The following RPS6KA2 variants were observed in gnomAD, a reference collection of about 807,000 sequenced individuals.
RPS6KA2 encodes ribosomal protein S6 kinase A2.
A neutral mutation model predicts 91.8 loss-of-function variants in RPS6KA2; 42 were observed. That is an observed-to-expected ratio of 0.46 (90% CI 0.36 to 0.59). The LOEUF is 0.59. Among genes scored for constraint, RPS6KA2 ranks in the 20% least tolerant of loss-of-function variants. The probability of loss-of-function intolerance (pLI) is 0.00; values close to 1 mark genes in which losing one functional copy is unlikely to be tolerated. For synonymous variants in RPS6KA2, 414 were observed against 393.6 expected, an observed-to-expected ratio of 1.05 and a Z score of -0.61; for missense variants, 798 against 978.5, an observed-to-expected ratio of 0.82 and a Z score of 2.46.
intron 2 of RPS6KA2, among the ~76,000 whole-genome samples, chr6:166,848,668 C>T (rs1451959575): frequency 2.0e-5 from 3 of 151,976 alleles, no homozygotes; most frequent in East Asian, 3.9e-4. Flanking sequence ...AACCAAACAT[C>T]GTATGTTCTC....
rs1376438307 is a variant in RPS6KA2 at position 166,648,208 on chromosome 6, A to G, written c.124-109424T>C. 7.4e-6 allele frequency among the ~76,000 whole-genome samples: 1 copy of G among 135,416 alleles called. No individual in the cohort carries two copies. Among genetic ancestry groups the G allele is most frequent in the Non-Finnish European group, 1.6e-5 (1 of 62,234 alleles). 88.8% of individuals were successfully genotyped at this position (135,416 alleles called of 152,430 possible). The stretch of plus-strand genomic sequence containing the variant: ...TGCACACATGCTCATACACACACTC[A>G]TGCACACACACGCACATGCGCACAC... On this transcript the variant is annotated intron_variant, in intron 2 of 21. Coordinates refer to the RPS6KA2 transcript ENST00000503859. The surrounding 1 kb of genome is among the most constrained non-coding windows in gnomAD (Gnocchi z 4.8).
chr6:166,488,802 T>C, intron 10 of RPS6KA2, 31 bp downstream of exon 10: 2 of 1,573,590 alleles, frequency 1.3e-6, no homozygotes, highest in Non-Finnish European at 1.7e-6. Context: ...CCCTGCACGT[T>C]CCCGTGGTGG....
intron 11 of RPS6KA2, among the ~76,000 whole-genome samples, chr6:166,469,326 GTTTT>G (rs60876703): frequency 1.7e-4 from 23 of 137,756 alleles, no homozygotes; most frequent in Non-Finnish European, 3.1e-4. Context: ...CGGCACTGTT[GTTTT>G]TTTTTTTTTT....
chr6:166,449,795 CCACCACGGGGACCACCAT>C (rs1779797172), intron 13 of RPS6KA2, among the ~76,000 whole-genome samples: 2 of 112,906 alleles, frequency 1.8e-5, no homozygotes, highest in Admixed American at 1.9e-4. Context: ...ACCATGGGAG[CCACCACGGGGACCACCAT>C]GGGAACCACC....
At chr6:166,727,291 A>G (rs1398764410) in intron 2 of RPS6KA2, among the ~76,000 whole-genome samples, 1 of 151,284 alleles carries the variant, frequency 6.6e-6, no homozygotes, top group East Asian at 1.9e-4. Context: ...ATCGCATCTT[A>G]TAATTATAGA....
At position 166,488,839 on chromosome 6, in the gene RPS6KA2, G is replaced by T; in HGVS notation, c.901C>A (p.Arg301=). The change falls in exon 10 of 21, where the codon CGG becomes AGG. Residue 301 remains arginine (R), a synonymous_variant. Coordinates refer to ENST00000265678, the MANE Select transcript of RPS6KA2 (RefSeq NM_021135.6). ...RALFKRNPCN[R]LGAGIDGVEE... is the part of the protein sequence containing the mutation. ...GTGTCCCGGGGAATCTTACCCAGCC[G>T]GTTGCAGGGGTTCCGTTTGAAGAGA... 6.2e-7 allele frequency: 1 copy of T among 1,612,070 alleles called. No individual in the cohort carries two copies. The highest frequency in any genetic ancestry group is 1.1e-5 in the South Asian group (1 of 90,794).
chr6:166,597,464 G>A (rs889945126), intron 1 of RPS6KA2, among the ~76,000 whole-genome samples: 5 of 152,218 alleles, frequency 3.3e-5, no homozygotes, highest in African/African-American at 1.2e-4. Flanking sequence ...GCAGTGGAGC[G>A]GGTGCTGGGC....
intron 2 of RPS6KA2, among the ~76,000 whole-genome samples, chr6:166,837,023 C>T (rs1346429287): frequency 2.0e-5 from 3 of 152,182 alleles, no homozygotes; most frequent in Admixed American, 2.0e-4. Flanking sequence ...ATTTCCAGTA[C>T]CCGCTGCACC....
chr6:166,700,093 G>C (rs899832501), intron 2 of RPS6KA2, among the ~76,000 whole-genome samples: 36 of 152,188 alleles, frequency 2.4e-4, no homozygotes, highest in African/African-American at 8.7e-4. Flanking sequence ...ACTTTCTTTA[G>C]GTATTGATAG....
chr6:166,488,731 G>T, intron 10 of RPS6KA2, 102 bp downstream of exon 10: 2 of 810,552 alleles, frequency 2.5e-6, no homozygotes, highest in South Asian at 1.5e-5. Flanking sequence ...GACCTTGGTT[G>T]GCATTGGGCC....
intron 2 of RPS6KA2, among the ~76,000 whole-genome samples, chr6:166,778,874 C>T (rs1446013213): frequency 2.0e-5 from 3 of 152,230 alleles, no homozygotes; most frequent in Non-Finnish European, 4.4e-5. Flanking sequence ...CGCCACGCTG[C>T]GTCTGGTGAG....
At chr6:166,584,870 G>A (rs1785119955) in intron 1 of RPS6KA2, among the ~76,000 whole-genome samples, 1 of 152,204 alleles carries the variant, frequency 6.6e-6, no homozygotes, top group Admixed American at 6.5e-5. Flanking sequence ...GAAACATTTG[G>A]TGGAACTCAG....
intron 15 of RPS6KA2, 33 bp from the exon 16 acceptor site, chr6:166,430,644 A>G: frequency 6.3e-7 from 1 of 1,587,006 alleles, no homozygotes; most frequent in South Asian, 1.1e-5. Context: ...ACACGTCACC[A>G]CGGCTGGTTG....
At chr6:166,595,888 C>G (rs1785518286) in intron 1 of RPS6KA2, among the ~76,000 whole-genome samples, 1 of 152,232 alleles carries the variant, frequency 6.6e-6, no homozygotes, top group Non-Finnish European at 1.5e-5. Context: ...CCAAGCAAAT[C>G]CAAGCCTGGT....
chr6:166,621,164 A>T (rs541042380), intron 1 of RPS6KA2, among the ~76,000 whole-genome samples: 7 of 152,340 alleles, frequency 4.6e-5, no homozygotes, highest in Admixed American at 1.3e-4. Context: ...ATCTCCAGGA[A>T]CGCATGCAAA....
Position 166,430,513 on chromosome 6 carries a change from G to A in RPS6KA2, c.1521C>T (p.Arg507=), listed in dbSNP as rs552673241. Residue 507 remains arginine, a synonymous_variant, in exon 16 of 21, where the codon CGC becomes CGT. Transcript: ENST00000265678. ...RILRQRYFSE[R]EASDVLCTIT... is the part of the protein sequence containing the mutation. The stretch of plus-strand genomic sequence containing the variant: ...TGGTGCACAGGACGTCACTGGCTTC[G>A]CGCTCCGAGAAGTATCTCTGCCGGA... 171 of 1,613,994 alleles carry A rather than the reference G, an allele frequency of 1.1e-4. No homozygotes were observed. Among genetic ancestry groups the A allele is most frequent in the Admixed American group, 1.7e-4 (10 of 59,990 alleles).
intron 2 of RPS6KA2, chr6:166,702,788 G>T: frequency 9.1e-7 from 1 of 1,094,056 alleles, no homozygotes; most frequent in Non-Finnish European, 1.4e-6. Context: ...ATACCTTCTA[G>T]GTCCAAGGGG....
At chr6:166,422,343 T>C (rs1311177150) in intron 17 of RPS6KA2, among the ~76,000 whole-genome samples, 1 of 152,172 alleles carries the variant, frequency 6.6e-6, no homozygotes, top group Admixed American at 6.5e-5. Flanking sequence ...AATGGACCAG[T>C]GGCCCTGGGT....
At chr6:166,592,991 C>T (rs1425530199) in intron 1 of RPS6KA2, among the ~76,000 whole-genome samples, 2 of 152,166 alleles carry the variant, frequency 1.3e-5, no homozygotes, top group Non-Finnish European at 2.9e-5. Flanking sequence ...GACAAACAGA[C>T]GTGTTAGTCA....
Sources: gnomAD v4.1 joint callset for allele counts (sites outside exome capture counted in the v4.1 genomes callset) on GRCh38, gnomAD v4.1.1 for gene constraint, Gnocchi (gnomAD v3.1) non-coding constraint, MANE v1.5 for transcripts, NCBI Gene and HGNC (gene_info 2026-07-23, HGNC 2026-07-21) for gene names.